ANKRD27: variants seen among roughly 807,000 people sequenced by gnomAD.
ANKRD27 encodes ankyrin repeat domain 27, also known as ankyrin repeat domain-containing protein 27.
A neutral mutation model predicts 129.7 loss-of-function variants in ANKRD27; 112 were observed. The ratio of observed to expected loss-of-function variants is 0.86; its 90% CI spans 0.74 to 1.01. The LOEUF is 1.01. Among genes scored for constraint, ANKRD27 ranks in the 50% least tolerant of loss-of-function variants. The pLI is 0.00. For synonymous variants in ANKRD27, 516 were observed against 511.2 expected (o/e 1.01, Z -0.13); for missense variants, 1,258 against 1,300.5 (o/e 0.97, Z 0.50).
intron 1 of ANKRD27, among the ~76,000 whole-genome samples, chr19:32,664,684 C>G (rs1967714590): frequency 6.7e-6 from 1 of 148,842 alleles, no homozygotes; most frequent in South Asian, 2.1e-4. Context: ...GATGGCCGGG[C>G]ACAGTGGCTC....
chr19:32,663,672 G>C (rs1967688688), intron 1 of ANKRD27, among the ~76,000 whole-genome samples: 1 of 152,060 alleles, frequency 6.6e-6, no homozygotes, highest in Non-Finnish European at 1.5e-5. Context: ...TCTGTTTCAA[G>C]GGTCTTACTG....
chr19:32,613,841 T>C (rs1260638513), intron 22 of ANKRD27, among the ~76,000 whole-genome samples: 3 of 151,920 alleles, frequency 2.0e-5, no homozygotes, highest in Non-Finnish European at 4.4e-5. Context: ...CCCGAGTAGC[T>C]GGGACTAGAA....
chr19:32,626,882 C>T (rs992790437), intron 15 of ANKRD27, 55 bp from the exon 16 acceptor site: 6 of 1,257,728 alleles, frequency 4.8e-6, no homozygotes, highest in Non-Finnish European at 6.8e-6. Context: ...GCCTTCCACA[C>T]CTTAACTGTA....
At chr19:32,613,597 C>T (rs1476771659) in intron 22 of ANKRD27, among the ~76,000 whole-genome samples, 1 of 152,122 alleles carries the variant, frequency 6.6e-6, no homozygotes, top group Non-Finnish European at 1.5e-5. Flanking sequence ...AAATGGAATG[C>T]CACCCCGCCA....
chr19:32,662,658 C>CT (rs1452489882), intron 1 of ANKRD27, among the ~76,000 whole-genome samples: 14 of 152,282 alleles, frequency 9.2e-5, no homozygotes, highest in Admixed American at 3.9e-4. Flanking sequence ...GGGAGGATCG[C>CT]TTGAGCCCAG....
chr19:32,602,043 C>G lies in ANKRD27; in HGVS notation c.2739G>C (p.Glu913Asp). ...LDDVAETDRK[E>D]YVTVKIRKKW... ...TTTTCCTGATCTTAACAGTGACATACTCCTTGCGGTCAGTTTCAGCCACAT... is the reference window on the plus strand; with the variant it reads ...TTTTCCTGATCTTAACAGTGACATAGTCCTTGCGGTCAGTTTCAGCCACAT... The change falls in exon 26 of 29, where the codon GAG (glutamate) becomes GAC (aspartate). Residue 913 changes from glutamate to aspartate, a missense_variant. Transcript: ENST00000306065. 3.1e-6 allele frequency: 5 copies of G among 1,613,762 alleles called. No homozygotes were observed. Among genetic ancestry groups the G allele is most frequent in the Non-Finnish European group, 4.2e-6 (5 of 1,179,724 alleles).
Position 32,625,858 on chromosome 19 carries a change from A to C in ANKRD27, c.1629+16T>G, listed in dbSNP as rs1398743000. Reference sequence around the variant, plus strand: ...AGGGTGAACGCAGCCCCCCCGGAACAGCAAGAGCCACTCACGTCCTCGTGG... The same window carrying C: ...AGGGTGAACGCAGCCCCCCCGGAACCGCAAGAGCCACTCACGTCCTCGTGG... On this transcript the variant is annotated intron_variant, in intron 17 of 28. Coordinates refer to ENST00000306065, the MANE Select transcript of ANKRD27 (RefSeq NM_032139.3). 6.4e-7 allele frequency: 1 copy of C among 1,565,476 alleles called. No individual in the cohort carries two copies.
At chr19:32,643,667 A>G in intron 5 of ANKRD27, 36 bp from the exon 6 acceptor site, 6 of 1,611,170 alleles carry the variant, frequency 3.7e-6, no homozygotes, top group Non-Finnish European at 5.1e-6. Flanking sequence ...GGCCACCCTT[A>G]CCAGCAAGGC....
chr19:32,607,569 A>G, intron 23 of ANKRD27, 66 bp downstream of exon 23: 4 of 1,554,432 alleles, frequency 2.6e-6, no homozygotes, highest in Non-Finnish European at 3.5e-6. Context: ...CAGCGTTCCT[A>G]CCAAGCACAA....
At chr19:32,643,698 G>A (rs945610344) in intron 5 of ANKRD27, 67 bp from the exon 6 acceptor site, 54 of 1,533,258 alleles carry the variant, frequency 3.5e-5, no homozygotes, top group South Asian at 2.2e-4. Flanking sequence ...GAGCCGGAGC[G>A]GGTAAGGCGC....
At chr19:32,673,698 C>G (rs1279558305) in intron 1 of ANKRD27, among the ~76,000 whole-genome samples, 1 of 152,188 alleles carries the variant, frequency 6.6e-6, no homozygotes, top group Admixed American at 6.5e-5. Context: ...TGGTCAAGGC[C>G]AGGAGTACCC....
At chr19:32,661,890 T>G (rs1967652376) in intron 1 of ANKRD27, among the ~76,000 whole-genome samples, 1 of 152,150 alleles carries the variant, frequency 6.6e-6, no homozygotes, top group Non-Finnish European at 1.5e-5. Flanking sequence ...TGTTCAAGGG[T>G]CAACAATAAT....
At chr19:32,607,493 C>G in intron 23 of ANKRD27, 142 bp downstream of exon 23, 1 of 1,010,642 alleles carries the variant, frequency 9.9e-7, no homozygotes, top group South Asian at 1.5e-5. Flanking sequence ...AGTGGCCTAC[C>G]GTGTGCACCT....
At chr19:32,614,873 T>C (rs1000559575) in intron 22 of ANKRD27, among the ~76,000 whole-genome samples, 2 of 152,004 alleles carry the variant, frequency 1.3e-5, no homozygotes, top group Non-Finnish European at 2.9e-5. Flanking sequence ...ATTGCATCAA[T>C]GTTGATATCC....
intron 3 of ANKRD27, among the ~76,000 whole-genome samples, chr19:32,647,865 C>T (rs1457360799): frequency 1.3e-5 from 2 of 152,236 alleles, no homozygotes; most frequent in Admixed American, 1.3e-4. Context: ...CACAAGATTA[C>T]TTCCATCTCT....
chr19:32,628,904 G>A (rs1203597354), intron 13 of ANKRD27, 55 bp from the exon 14 acceptor site: 24 of 1,598,412 alleles, frequency 1.5e-5, no homozygotes, highest in Non-Finnish European at 5.1e-6. Context: ...CAATTATTAG[G>A]AGTAAATTTT....
intron 25 of ANKRD27, among the ~76,000 whole-genome samples, chr19:32,602,860 G>A (rs1971673943): frequency 1.3e-5 from 2 of 152,032 alleles, no homozygotes; most frequent in African/African-American, 2.4e-5. Context: ...TTATACTCCA[G>A]CCTGGGCAAC....
intron 20 of ANKRD27, 25 bp downstream of exon 20, chr19:32,619,235 C>G: frequency 6.2e-7 from 1 of 1,602,152 alleles, no homozygotes; most frequent in South Asian, 1.1e-5. Flanking sequence ...CCTCCCCTCC[C>G]CAGCCCTTCC....
chr19:32,649,549 C>G (rs767990595), intron 3 of ANKRD27, 133 bp downstream of exon 3: 6 of 686,724 alleles, frequency 8.7e-6, no homozygotes, highest in Non-Finnish European at 1.3e-5. Flanking sequence ...TCCAGCCCCC[C>G]ACGGGGCTGC....
Sources: gnomAD v4.1 joint callset for allele counts (sites outside exome capture counted in the v4.1 genomes callset) on GRCh38, gnomAD v4.1.1 for gene constraint, MANE v1.5 for transcripts, NCBI Gene and HGNC (gene_info 2026-07-23, HGNC 2026-07-21) for gene names.